MDN1: variants seen among roughly 807,000 people sequenced by gnomAD.
MDN1 encodes midasin.
In MDN1, 266 loss-of-function variants were observed where a neutral mutation model predicts 669.2. That is an observed-to-expected ratio of 0.40 (90% CI 0.36 to 0.44). The LOEUF is 0.44. Ranked by LOEUF, MDN1 falls within the 20% of genes least tolerant of loss-of-function variation. MDN1 has a pLI of 1.00. For synonymous variants in MDN1, 2,385 were observed against 2,457.1 expected (o/e 0.97, Z 0.87); for missense variants, 5,940 against 6,754.0 (o/e 0.88, Z 4.22).
chr6:89,740,818 G>C (rs564327217), intron 31 of MDN1, among the ~76,000 whole-genome samples: 20 of 152,314 alleles, frequency 1.3e-4, no homozygotes, highest in Non-Finnish European at 2.8e-4. Context: ...TGCAAAGTAA[G>C]AGAAGAGAAC....
intron 2 of MDN1, 64 bp downstream of exon 2, chr6:89,803,264 A>G: frequency 2.9e-6 from 4 of 1,387,914 alleles, no homozygotes; most frequent in Admixed American, 1.7e-5. Context: ...ACTCCCTTAC[A>G]TCCCAGGAGA....
Position 89,674,113 on chromosome 6 carries a change from AAG to A in MDN1, c.13236_13237del (p.Phe4413SerfsTer7). 19 of 1,613,906 alleles carry A rather than the reference AAG, an allele frequency of 1.2e-5. No individual in the cohort carries two copies. Among genetic ancestry groups the A allele is most frequent in the Non-Finnish European group, 1.6e-5 (19 of 1,179,824 alleles). ...ACATAGACACACTTACCAAGAATGA[AAG>A]AGAGTCTCACAAGACTGCTGTCTAA... On this transcript the variant is annotated frameshift_variant, in exon 79 of 102. Coordinates refer to ENST00000369393, the MANE Select transcript of MDN1 (RefSeq NM_014611.3). LOFTEE classifies it high-confidence loss of function.
intron 37 of MDN1, among the ~76,000 whole-genome samples, chr6:89,726,212 A>T (rs550739962): frequency 1.8e-4 from 27 of 152,060 alleles, no homozygotes; most frequent in Non-Finnish European, 3.4e-4. Context: ...TGTAATCCCA[A>T]CACTTTGGAA....
intron 8 of MDN1, among the ~76,000 whole-genome samples, chr6:89,786,367 G>A (rs755388475): frequency 6.6e-6 from 1 of 152,082 alleles, no homozygotes; most frequent in Non-Finnish European, 1.5e-5. Flanking sequence ...ACAGTGGGAG[G>A]ACTGCTCGAG....
chr6:89,818,252 G>A (rs945927609), intron 1 of MDN1, among the ~76,000 whole-genome samples: 1 of 149,506 alleles, frequency 6.7e-6, no homozygotes, highest in East Asian at 2.0e-4. Context: ...TCGAGAGGCG[G>A]AGGTTGCAGT....
chr6:89,665,255 G>A (rs1413380631), intron 84 of MDN1, among the ~76,000 whole-genome samples: 1 of 151,964 alleles, frequency 6.6e-6, no homozygotes, highest in East Asian at 1.9e-4. Context: ...CTCAACTCCT[G>A]GGCACAAGCA....
At chr6:89,651,431 A>G (rs1263327961) in intron 95 of MDN1, among the ~76,000 whole-genome samples, 6 of 152,000 alleles carry the variant, frequency 3.9e-5, no homozygotes, top group Admixed American at 1.3e-4. Flanking sequence ...CCTGGCCAAC[A>G]TGGTGAAACC....
chr6:89,655,250 G>A (rs185496304), intron 92 of MDN1, among the ~76,000 whole-genome samples: 1 of 152,130 alleles, frequency 6.6e-6, no homozygotes, highest in Non-Finnish European at 1.5e-5. Context: ...AACCAGAAGG[G>A]GAGACTGACC....
intron 2 of MDN1, among the ~76,000 whole-genome samples, chr6:89,795,229 C>T (rs1319913416): frequency 6.6e-6 from 1 of 152,160 alleles, no homozygotes; most frequent in African/African-American, 2.4e-5. Context: ...GAGCCAGATA[C>T]TGTAGTTTAA....
intron 92 of MDN1, 94 bp from the exon 93 acceptor site, chr6:89,654,428 C>A: frequency 6.7e-7 from 1 of 1,498,404 alleles, no homozygotes; most frequent in Non-Finnish European, 9.1e-7. Flanking sequence ...TTCTAGCTTC[C>A]AAAATGCTAG....
intron 16 of MDN1, 110 bp downstream of exon 16, chr6:89,762,209 A>G: frequency 1.1e-6 from 1 of 907,132 alleles, no homozygotes; most frequent in Non-Finnish European, 1.7e-6. Flanking sequence ...ACTTCTGCCA[A>G]AGTCCTAGAA....
Position 89,819,650 on chromosome 6 carries a change from T to A in MDN1, c.-43A>T. The A allele has an allele frequency of 6.4e-7, 1 of 1,554,762 alleles. No homozygotes were observed. The highest frequency in any genetic ancestry group is 8.8e-7 in the Non-Finnish European group (1 of 1,140,194). ...CCGAGCGGCCACCTGCGCTCCCTAC[T>A]TCGCGGCCAGCGTCCCCAAGCCGCC... On this transcript the variant is annotated 5_prime_UTR_variant, in exon 1 of 102. It adds an upstream start codon to the 5' untranslated region. Coordinates refer to ENST00000369393, the MANE Select transcript of MDN1 (RefSeq NM_014611.3).
chr6:89,771,516 A>T (rs968857075), intron 15 of MDN1, 45 bp downstream of exon 15: 1 of 1,502,058 alleles, frequency 6.7e-7, no homozygotes. Flanking sequence ...TCTTACCTCA[A>T]GCAATAAACA....
chr6:89,662,011 G>A, intron 87 of MDN1, 76 bp downstream of exon 87: 1 of 1,506,034 alleles, frequency 6.6e-7, no homozygotes, highest in Non-Finnish European at 8.9e-7. Context: ...AATATCTTGA[G>A]ACACCTTGAG....
Position 89,674,189 on chromosome 6 carries a change from T to C in MDN1, c.13162A>G (p.Thr4388Ala). Residue 4388 changes from threonine to alanine, a missense_variant, in exon 79 of 102, where the codon ACA becomes GCA. Around this residue, in one of 5 missense-constraint regions of MDN1, gnomAD observed 2,280 missense variants for 2,576.3 expected, o/e 0.88. Coordinates refer to ENST00000369393, the MANE Select transcript of MDN1 (RefSeq NM_014611.3). ...HLWQQSTTRL[T>A]EMLKTIKTVK... ...GTTTTAATGGTTTTTAGCATCTCTG[T>C]TAATCTCGTAGTTGACTGTTGCCAA... The C allele has an allele frequency of 2.5e-6, 4 of 1,614,222 alleles. No homozygotes were observed. Among genetic ancestry groups the C allele is most frequent in the Non-Finnish European group, 3.4e-6 (4 of 1,180,048 alleles).
In MDN1 at chr6:89,713,010, A is replaced by G. The variant is rs1053251435; in HGVS notation, c.7218+138T>C. ...AGCTATTTTCCAGAAAAGTACCTGG[A>G]TACCAGATCTCTATTAGAGCAAACT... On this transcript the variant is annotated intron_variant, in intron 47 of 101. Coordinates refer to ENST00000369393, the MANE Select transcript of MDN1 (RefSeq NM_014611.3). 1.9e-5 allele frequency: 19 copies of G among 977,870 alleles called. No homozygotes were observed. The East Asian group carries it at 4.9e-4, about 25-fold the overall frequency. The allele number at this position is 977,870 out of a possible 1,614,324, so 60.6% of individuals were successfully genotyped here.
At chr6:89,702,880 T>C (rs1395091286) in intron 53 of MDN1, among the ~76,000 whole-genome samples, 1 of 152,178 alleles carries the variant, frequency 6.6e-6, no homozygotes, top group Admixed American at 6.5e-5. Flanking sequence ...AGTTCTATTT[T>C]TAAAGGTTTC....
chr6:89,790,804 T>C (rs1282291364), intron 5 of MDN1, among the ~76,000 whole-genome samples: 1 of 152,248 alleles, frequency 6.6e-6, no homozygotes, highest in Admixed American at 6.5e-5. Flanking sequence ...GTGGATCACC[T>C]GAAGTCAGGA....
chr6:89,718,766 C>T lies in MDN1; in HGVS notation c.6321+1G>A. 6.2e-7 allele frequency: 1 copy of T among 1,613,016 alleles called. No homozygotes were observed. Among genetic ancestry groups the T allele is most frequent in the Non-Finnish European group, 8.5e-7 (1 of 1,179,076 alleles). On this transcript the variant is annotated splice_donor_variant, in intron 42 of 101. Coordinates refer to ENST00000369393, the MANE Select transcript of MDN1 (RefSeq NM_014611.3). LOFTEE classifies it high-confidence loss of function. ...AGAAAATATGAAGGCAGACTGGTTACCTGCTCAAATCCACCCAGCAGCTCA... is the reference window on the plus strand; with the variant it reads ...AGAAAATATGAAGGCAGACTGGTTATCTGCTCAAATCCACCCAGCAGCTCA...
Sources: allele counts gnomAD v4.1 joint callset (sites outside exome capture counted in the v4.1 genomes callset), GRCh38; gene constraint gnomAD v4.1.1; regional missense constraint gnomAD v4.1.1; transcripts MANE v1.5; gene names NCBI Gene and HGNC (gene_info 2026-07-23, HGNC 2026-07-21).